The following BBX variants were observed in gnomAD, a reference collection of about 807,000 sequenced individuals.
BBX encodes the protein HMG box transcription factor BBX.
BBX carries 30 observed loss-of-function variants against 100.2 expected under a neutral mutation model. The observed-to-expected ratio is 0.30, with a 90% CI of 0.22 to 0.41. BBX has a LOEUF of 0.41. BBX is among the 10% of genes least tolerant of loss of function. The pLI is 1.00. For synonymous variants in BBX, 376 were observed against 388.1 expected (o/e 0.97, Z 0.37); for missense variants, 1,023 against 1,129.8 (o/e 0.91, Z 1.35).
chr3:107,735,702 T>G (rs2063589896), intron 7 of BBX, among the ~76,000 whole-genome samples: 1 of 152,038 alleles, frequency 6.6e-6, no homozygotes, highest in Non-Finnish European at 1.5e-5. Flanking sequence ...AAGCCTATAC[T>G]GCTTCCTAGA....
chr3:107,660,087 A>G (rs2058364635), intron 3 of BBX, among the ~76,000 whole-genome samples: 1 of 152,146 alleles, frequency 6.6e-6, no homozygotes, highest in Admixed American at 6.6e-5. Flanking sequence ...ATAGCTTTGT[A>G]TTAAGCATTT....
chr3:107,534,292 C>T (rs2048348969), intron 2 of BBX, among the ~76,000 whole-genome samples: 1 of 152,134 alleles, frequency 6.6e-6, no homozygotes, highest in African/African-American at 2.4e-5. Context: ...TTTGGTGCAC[C>T]TCTCAAAACT....
intron 5 of BBX, among the ~76,000 whole-genome samples, chr3:107,722,125 A>G (rs2062583178): frequency 6.6e-6 from 1 of 152,052 alleles, no homozygotes; most frequent in Non-Finnish European, 1.5e-5. Flanking sequence ...CTAGCAACAT[A>G]GATGTTAATT....
At chr3:107,609,228 G>T (rs2054659985) in intron 2 of BBX, among the ~76,000 whole-genome samples, 1 of 152,048 alleles carries the variant, frequency 6.6e-6, no homozygotes, top group Non-Finnish European at 1.5e-5. Context: ...CATCCCTGGG[G>T]TAAATCACAC....
At chr3:107,798,886 C>G (rs1313255094) in intron 16 of BBX, among the ~76,000 whole-genome samples, 166 bp downstream of exon 16, 1 of 150,118 alleles carries the variant, frequency 6.7e-6, no homozygotes, top group Non-Finnish European at 1.5e-5. Context: ...CGCGGTGGCT[C>G]ACGTCTGTAA....
intron 2 of BBX, among the ~76,000 whole-genome samples, chr3:107,582,150 C>A (rs1444016462): frequency 6.6e-6 from 1 of 151,808 alleles, no homozygotes; most frequent in Non-Finnish European, 1.5e-5. Context: ...ATCACATTTA[C>A]CTAGTAGAGG....
rs147832032 is a variant in BBX, at chr3:107,773,127, C to T, written c.1406C>T (p.Pro469Leu). The T allele has an allele frequency of 6.2e-7, 1 of 1,613,888 alleles. No homozygotes were observed. Among genetic ancestry groups the T allele is most frequent in the Non-Finnish European group, 8.5e-7 (1 of 1,179,966 alleles). Residue 469 changes from proline (P) to leucine (L), a missense_variant, in exon 11 of 18, where the codon CCC becomes CTC. Physicochemically the swap from Pro to Leu is moderately conservative, Grantham distance 98. Coordinates refer to ENST00000325805, the MANE Select transcript of BBX (RefSeq NM_001142568.3). The surrounding 1 kb of genome is among the most constrained non-coding windows in gnomAD (Gnocchi z 4.1). The part of the protein sequence containing the change: ...MDRHGNDKST[P>L]KKTCKKRQSS... ...CGACATGGAAATGATAAATCCACAC[C>T]CAAGAAGACTTGCAAAAAGAGGCAG...
intron 10 of BBX, among the ~76,000 whole-genome samples, chr3:107,765,620 G>A (rs2066327783): frequency 6.6e-6 from 1 of 152,084 alleles, no homozygotes; most frequent in South Asian, 2.1e-4. Flanking sequence ...GCCCATCCCT[G>A]CCTTTTGAAA....
At chr3:107,701,598 C>A (rs1471302600) in intron 3 of BBX, among the ~76,000 whole-genome samples, 4 of 152,146 alleles carry the variant, frequency 2.6e-5, no homozygotes, top group African/African-American at 9.7e-5. Context: ...GATTTATAAA[C>A]ATAATTCATA....
intron 8 of BBX, among the ~76,000 whole-genome samples, chr3:107,747,061 A>G (rs1280716194): frequency 1.3e-5 from 2 of 152,168 alleles, no homozygotes; most frequent in African/African-American, 4.8e-5. Flanking sequence ...AACCAAAATT[A>G]CTAACTCACC....
At chr3:107,659,771 G>GT (rs1381442108) in intron 3 of BBX, 75 of 1,274,096 alleles carry the variant, frequency 5.9e-5, no homozygotes, top group African/African-American at 1.4e-4. Context: ...TATTTTTAAC[G>GT]TAAGTGTGTA....
At chr3:107,610,013 TC>T (rs915857281) in intron 2 of BBX, among the ~76,000 whole-genome samples, 1 of 152,104 alleles carries the variant, frequency 6.6e-6, no homozygotes, top group Non-Finnish European at 1.5e-5. Flanking sequence ...GCTATAAAAT[TC>T]CCTCTTAGTA....
chr3:107,749,416 C>T (rs548298600), intron 9 of BBX, among the ~76,000 whole-genome samples: 2 of 152,114 alleles, frequency 1.3e-5, no homozygotes, highest in East Asian at 3.9e-4. Flanking sequence ...ACATTTTTTT[C>T]AAAACAATTG....
chr3:107,584,769 G>A (rs536066300), intron 2 of BBX, among the ~76,000 whole-genome samples: 1 of 119,558 alleles, frequency 8.4e-6, no homozygotes, highest in African/African-American at 3.2e-5. Flanking sequence ...TCAGCTCATT[G>A]CAACCTCCGC....
chr3:107,702,791 C>T (rs536673076), intron 3 of BBX, among the ~76,000 whole-genome samples: 2 of 152,238 alleles, frequency 1.3e-5, no homozygotes, highest in South Asian at 2.1e-4. Context: ...CTGAGGCAAA[C>T]ACAGCCTTTT....
At chr3:107,734,115 C>A (rs910680984) in intron 7 of BBX, among the ~76,000 whole-genome samples, 4 of 152,052 alleles carry the variant, frequency 2.6e-5, no homozygotes, top group African/African-American at 9.7e-5. Context: ...GTGATTATGT[C>A]ATACATATTA....
chr3:107,737,922 T>A (rs955704867), intron 7 of BBX, among the ~76,000 whole-genome samples: 12 of 130,260 alleles, frequency 9.2e-5, no homozygotes, highest in Non-Finnish European at 1.8e-4. Flanking sequence ...TTTAACTATT[T>A]GTATGATCCT....
intron 2 of BBX, among the ~76,000 whole-genome samples, chr3:107,535,541 T>C (rs1247974071): frequency 1.3e-5 from 2 of 152,000 alleles, no homozygotes; most frequent in Non-Finnish European, 2.9e-5. Context: ...TATTCTTTCA[T>C]GAGAAGTTGA....
At chr3:107,585,487 TGAAAGCAA>T (rs1373368673) in intron 2 of BBX, among the ~76,000 whole-genome samples, 1 of 152,170 alleles carries the variant, frequency 6.6e-6, no homozygotes, top group African/African-American at 2.4e-5. Context: ...GTACTATATA[TGAAAGCAA>T]GAACAATTAA....
Sources: gnomAD v4.1 joint callset for allele counts (sites outside exome capture counted in the v4.1 genomes callset) on GRCh38, gnomAD v4.1.1 for gene constraint, Gnocchi (gnomAD v3.1) non-coding constraint, MANE v1.5 for transcripts, NCBI Gene and HGNC (gene_info 2026-07-23, HGNC 2026-07-21) for gene names.